The following RICTOR variants were observed in gnomAD, a reference collection of about 807,000 sequenced individuals.
The protein encoded by RICTOR is rapamycin-insensitive companion of mTOR.
RICTOR carries 49 observed loss-of-function variants against 214.9 expected under a neutral mutation model. The observed-to-expected ratio is 0.23, with a 90% confidence interval of 0.18 to 0.29. RICTOR has a LOEUF of 0.29. Among genes scored for constraint, RICTOR ranks in the 10% least tolerant of loss-of-function variants. The pLI, the probability that RICTOR is intolerant of heterozygous loss-of-function variation, is 1.00. For synonymous variants in RICTOR, 717 were observed against 711.3 expected (o/e 1.01, Z -0.13); for missense variants, 1,625 against 2,047.0 (o/e 0.79, Z 3.98).
chr5:39,019,850 CAAACTGAAAA>C (rs1755260874), intron 3 of RICTOR, among the ~76,000 whole-genome samples: 1 of 152,182 alleles, frequency 6.6e-6, no homozygotes, highest in Non-Finnish European at 1.5e-5. Flanking sequence ...CTGGGCAAAG[CAAACTGAAAA>C]CCTTCTGGAA....
chr5:38,946,276 G>T (rs1748180791), intron 33 of RICTOR, among the ~76,000 whole-genome samples, 192 bp downstream of exon 33: 1 of 152,130 alleles, frequency 6.6e-6, no homozygotes, highest in African/African-American at 2.4e-5. Context: ...TGAAAACACT[G>T]TTAAGTCCCT....
chr5:38,948,463 C>T (rs151116457), intron 31 of RICTOR, among the ~76,000 whole-genome samples: 323 of 152,102 alleles, frequency 2.1e-3, no homozygotes, highest in African/African-American at 7.5e-3. Context: ...TGGATTATTC[C>T]CCTTCCCAAT....
chr5:39,067,798 T>C (rs1272030000), intron 2 of RICTOR, among the ~76,000 whole-genome samples: 2 of 152,226 alleles, frequency 1.3e-5, no homozygotes, highest in African/African-American at 2.4e-5. Flanking sequence ...ACCATCAATT[T>C]CATTGTCCCT....
At chr5:39,040,337 G>A (rs1311538995) in intron 2 of RICTOR, among the ~76,000 whole-genome samples, 1 of 121,998 alleles carries the variant, frequency 8.2e-6, no homozygotes, top group Non-Finnish European at 1.7e-5. Flanking sequence ...GGAGGGGGGA[G>A]GGATAGCATT....
chr5:39,046,064 T>TAAATAAATAAAC (rs70982536), intron 2 of RICTOR, among the ~76,000 whole-genome samples: 2 of 150,934 alleles, frequency 1.3e-5, no homozygotes, highest in Admixed American at 6.6e-5. Flanking sequence ...AATAAATAAA[T>TAAATAAATAAAC]GCTGGCCAGG....
rs2112807554 is a variant in RICTOR, at chr5:38,944,964, C to T, written c.4738G>A (p.Val1580Met). The part of the protein sequence containing the change: ...FSGISGCSDG[V>M]SQEGSASSTK... ...CTGCTAGCTGAGCCTTCTTGAGACA[C>T]CCCATCACTGCATCCAGAAATCCCC... The change falls in exon 35 of 38, where the codon GTG becomes ATG. Residue 1580 changes from valine to methionine, a missense_variant. Transcript: ENST00000357387. The T allele has an allele frequency of 3.1e-6, 5 of 1,613,928 alleles. No homozygotes were observed. Among genetic ancestry groups the T allele is most frequent in the Non-Finnish European group, 4.2e-6 (5 of 1,179,872 alleles).
At chr5:39,018,021 A>G in intron 3 of RICTOR, among the ~76,000 whole-genome samples, 1 of 152,182 alleles carries the variant, frequency 6.6e-6, no homozygotes, top group East Asian at 1.9e-4. Flanking sequence ...TCTTTCATTA[A>G]AAACAATTTA....
chr5:38,969,299 T>C (rs996393261), intron 11 of RICTOR, among the ~76,000 whole-genome samples: 2 of 151,916 alleles, frequency 1.3e-5, no homozygotes, highest in Non-Finnish European at 2.9e-5. Flanking sequence ...CAAAAAAGTT[T>C]AAAAAGTAAA....
At chr5:39,022,847 C>A (rs1755530755) in intron 2 of RICTOR, among the ~76,000 whole-genome samples, 1 of 152,092 alleles carries the variant, frequency 6.6e-6, no homozygotes, top group South Asian at 2.1e-4. Flanking sequence ...CAATTTGGAG[C>A]TTCATCTGGA....
rs753592862 is a variant in RICTOR at position 38,941,767 on chromosome 5, A to G, written c.*537T>C. 1.1e-4 allele frequency: 25 copies of G among 232,682 alleles called. No homozygotes were observed. Among genetic ancestry groups the G allele is most frequent in the Non-Finnish European group, 1.5e-4 (18 of 117,538 alleles). The allele number at this position is 232,682 out of a possible 1,614,324, so 14.4% of individuals were successfully genotyped here. A position where few individuals can be genotyped will look rare whatever the true frequency, so the allele number is the denominator to read the frequency against. ...TTATAAACCTCTGAAGTAGTGTTACAAACATTAAGAAAAACGTGAAAGGGC... is the reference window on the plus strand; with the variant it reads ...TTATAAACCTCTGAAGTAGTGTTACGAACATTAAGAAAAACGTGAAAGGGC... On this transcript the variant is annotated 3_prime_UTR_variant, in exon 38 of 38. Transcript: ENST00000357387.
Position 38,952,211 on chromosome 5 carries a change from C to G in RICTOR, c.3112G>C (p.Glu1038Gln). ...STSSRHNSES[E>Q]SVPSSMFILE... is the part of the protein sequence containing the mutation. ...GGATACTCACTCGATGGCACAGATT[C>G]ACTTTCACTATTATGTCTAGAGCTG... Residue 1038 changes from glutamate to glutamine, a missense_variant, in exon 30 of 38, where the codon GAA (glutamate) becomes CAA (glutamine). Physicochemically the swap from Glu to Gln is conservative, Grantham distance 29. Transcript: ENST00000357387. 1 of 1,604,696 alleles carries G rather than the reference C, an allele frequency of 6.2e-7. No individual in the cohort carries two copies. Among genetic ancestry groups the G allele is most frequent in the South Asian group, 1.1e-5 (1 of 90,770 alleles).
At chr5:38,966,744 C>A (rs370774532) in intron 14 of RICTOR, 23 bp from the exon 15 acceptor site, 10 of 1,236,738 alleles carry the variant, frequency 8.1e-6, no homozygotes, top group Admixed American at 2.1e-5. Context: ...AAAGATAACA[C>A]CACTGTTGCA....
At chr5:38,946,845 A>G (rs1460376901) in intron 32 of RICTOR, among the ~76,000 whole-genome samples, 1 of 152,172 alleles carries the variant, frequency 6.6e-6, no homozygotes, top group African/African-American at 2.4e-5. Flanking sequence ...ATCTGTGGGT[A>G]TCTCCTGGGA....
At position 38,971,816 on chromosome 5, in the gene RICTOR, T is replaced by A. The variant is rs770391485; in HGVS notation, c.972+61A>T. 3 of 731,636 alleles carry A rather than the reference T, an allele frequency of 4.1e-6. No individual in the cohort carries two copies. In the South Asian group the frequency reaches 4.9e-5, roughly 12 times the overall value. The allele number at this position is 731,636 out of a possible 1,614,324, so 45.3% of individuals were successfully genotyped here. On this transcript the variant is annotated intron_variant, in intron 11 of 37. Coordinates refer to ENST00000357387, the MANE Select transcript of RICTOR (RefSeq NM_152756.5). ...ACATCACCTGAAATAATTTTTTTTT[T>A]ATAATTAATTCCCACTGTTAAAGGT...
chr5:39,012,169 G>A (rs1230849064), intron 3 of RICTOR, among the ~76,000 whole-genome samples: 1 of 152,160 alleles, frequency 6.6e-6, no homozygotes, highest in African/African-American at 2.4e-5. Context: ...CATGAGATCT[G>A]AGAGAACTCA....
intron 30 of RICTOR, 137 bp from the exon 31 acceptor site, chr5:38,950,857 C>G (rs924479247): frequency 1.8e-6 from 1 of 555,590 alleles, no homozygotes; most frequent in Non-Finnish European, 3.0e-6. Context: ...TTAAACCATT[C>G]AGCTACTTGA....
chr5:39,035,823 A>G (rs181961294), intron 2 of RICTOR, among the ~76,000 whole-genome samples: 4 of 152,346 alleles, frequency 2.6e-5, no homozygotes, highest in Admixed American at 2.6e-4. Flanking sequence ...ATGTAAAAAG[A>G]CCAAATCTAC....
intron 6 of RICTOR, among the ~76,000 whole-genome samples, chr5:38,994,026 A>C (rs1324225054): frequency 1.3e-5 from 2 of 151,964 alleles, no homozygotes; most frequent in Non-Finnish European, 2.9e-5. Context: ...ACTAAAAATA[A>C]AATAAAATAA....
chr5:38,954,723 G>GTT lies in RICTOR; in HGVS notation c.2697+49_2697+50dup, dbSNP rs35716624. 3.8e-4 allele frequency: 370 copies of GTT among 982,354 alleles called. No individual in the cohort carries two copies. In the East Asian group the frequency reaches 4.0e-3, roughly 11 times the overall value. 60.9% of individuals were successfully genotyped at this position (982,354 alleles called of 1,614,324 possible). ...AATATTTTAGCAATGTTAAGATTTTGTTTTTTTTTTACTATTGTAGCTACT... is the reference window on the plus strand; with the variant it reads ...AATATTTTAGCAATGTTAAGATTTTGTTTTTTTTTTTTACTATTGTAGCTACT... On this transcript the variant is annotated intron_variant, in intron 27 of 37. Coordinates refer to ENST00000357387, the MANE Select transcript of RICTOR (RefSeq NM_152756.5).
Sources: allele counts gnomAD v4.1 joint callset (sites outside exome capture counted in the v4.1 genomes callset), GRCh38; gene constraint gnomAD v4.1.1; transcripts MANE v1.5; gene names NCBI Gene and HGNC (gene_info 2026-07-23, HGNC 2026-07-21).